Variants in SNX14 observed in about 807,000 individuals in gnomAD.
SNX14 encodes the protein sorting nexin 14.
In SNX14, 93 loss-of-function variants were observed where a neutral mutation model predicts 133.8. The ratio of observed to expected loss-of-function variants is 0.70; its 90% CI spans 0.59 to 0.83. The LOEUF is 0.83. Among genes scored for constraint, SNX14 ranks in the 40% least tolerant of loss-of-function variants. SNX14 has a pLI of 0.00. For synonymous variants in SNX14, 368 were observed against 365.6 expected (o/e 1.01, Z -0.07); for missense variants, 945 against 1,094.9 (o/e 0.86, Z 1.93).
chr6:85,541,278 C>T (rs1783654843), intron 15 of SNX14, among the ~76,000 whole-genome samples: 1 of 152,160 alleles, frequency 6.6e-6, no homozygotes, highest in African/African-American at 2.4e-5. Context: ...CAGGCGTGAG[C>T]CACCGTGCCC....
rs965387593 is a variant in SNX14 at position 85,514,421 on chromosome 6, G to T, written c.2392+85C>A. 9.2e-6 allele frequency: 14 copies of T among 1,515,982 alleles called. No homozygotes were observed. In the African/African-American group the frequency reaches 1.4e-4, roughly 15 times the overall value. 93.9% of individuals were successfully genotyped at this position (1,515,982 alleles called of 1,614,324 possible). ...TATCTTCAATTAAAAAGACAGTTAT[G>T]ATGGGGCAATACTCAAGATCATTAT... On this transcript the variant is annotated intron_variant, in intron 24 of 28. Transcript: ENST00000314673.
chr6:85,522,445 T>C (rs1048841844), intron 21 of SNX14, among the ~76,000 whole-genome samples: 1 of 152,248 alleles, frequency 6.6e-6, no homozygotes, highest in South Asian at 2.1e-4. Flanking sequence ...TGGGACTGTA[T>C]TATAGCTAGA....
intron 27 of SNX14, 140 bp downstream of exon 27, chr6:85,507,828 T>C (rs1771268692): frequency 4.3e-6 from 2 of 468,542 alleles, no homozygotes; most frequent in South Asian, 1.1e-4. Context: ...AATAAAACTT[T>C]TTTTCTATCT....
At position 85,549,622 on chromosome 6, in the gene SNX14, G is replaced by A. The variant is rs755185999; in HGVS notation, c.791+101C>T. ...TTTTTCAAATGAAAAGCTATTCATA[G>A]GCTAACCTCAAATTTTAGCATATGC... On this transcript the variant is annotated intron_variant, in intron 8 of 28. Transcript: ENST00000314673. 6.4e-3 allele frequency: 6,162 copies of A among 955,526 alleles called. 31 individuals are homozygous for A. The highest frequency in any genetic ancestry group is 0.026 in the Middle Eastern group (71 of 2,690). The allele number at this position is 955,526 out of a possible 1,614,324, so 59.2% of individuals were successfully genotyped here. A position where few individuals can be genotyped will look rare whatever the true frequency, so the allele number is the denominator to read the frequency against.
intron 6 of SNX14, among the ~76,000 whole-genome samples, chr6:85,559,146 TA>T (rs775536039): frequency 6.6e-5 from 10 of 152,052 alleles, no homozygotes; most frequent in Non-Finnish European, 1.3e-4. Flanking sequence ...ATAAATCTAG[TA>T]AGTATGATGG....
chr6:85,562,810 T>A (rs1792163817), intron 6 of SNX14, among the ~76,000 whole-genome samples: 1 of 152,070 alleles, frequency 6.6e-6, no homozygotes, highest in Admixed American at 6.6e-5. Flanking sequence ...CAGGCTGATC[T>A]CGAACTCCCG....
At chr6:85,593,553 G>A (rs774986666) in intron 1 of SNX14, 26 bp downstream of exon 1, 1 of 1,593,220 alleles carries the variant, frequency 6.3e-7, no homozygotes, top group South Asian at 1.1e-5. Context: ...AAAAGCCGCC[G>A]CCCAGGCTCC....
chr6:85,552,904 CAA>C (rs938095392), intron 7 of SNX14, among the ~76,000 whole-genome samples: 3 of 152,234 alleles, frequency 2.0e-5, no homozygotes, highest in Admixed American at 6.5e-5. Context: ...CAATGCAAAC[CAA>C]AGACTCTTTG....
chr6:85,590,263 TA>T (rs1477146186), intron 1 of SNX14, among the ~76,000 whole-genome samples: 2 of 152,172 alleles, frequency 1.3e-5, no homozygotes, highest in African/African-American at 4.8e-5. Context: ...TGCATATCCA[TA>T]AAATAGAAGA....
At chr6:85,523,717 AT>A (rs1265295991) in intron 21 of SNX14, among the ~76,000 whole-genome samples, 1 of 152,120 alleles carries the variant, frequency 6.6e-6, no homozygotes, top group East Asian at 1.9e-4. Flanking sequence ...GTGAGCTGAG[AT>A]CACGCCACCG....
Position 85,547,524 on chromosome 6 carries a change from G to C in SNX14, c.894C>G (p.Ile298Met). Residue 298 changes from isoleucine to methionine, a missense_variant, in exon 10 of 29, where the codon ATC becomes ATG. Ile to Met is a conservative substitution (Grantham distance 10). Transcript: ENST00000314673. Reference sequence around the variant, plus strand: ...TACTCACTGGACTGTCATCTATGAAGATGATAAGCAAATGATTCACAGTAT... The same window carrying C: ...TACTCACTGGACTGTCATCTATGAACATGATAAGCAAATGATTCACAGTAT... Reference protein sequence around the residue: ...DPDTVNHLLIIFIDDSPPEKA... With the variant: ...DPDTVNHLLIMFIDDSPPEKA... 6.2e-7 allele frequency: 1 copy of C among 1,603,406 alleles called. No individual in the cohort carries two copies. The highest frequency in any genetic ancestry group is 1.7e-5 in the Admixed American group (1 of 57,620).
chr6:85,579,374 G>C (rs1215087288), intron 1 of SNX14, among the ~76,000 whole-genome samples: 1 of 152,030 alleles, frequency 6.6e-6, no homozygotes, highest in Non-Finnish European at 1.5e-5. Context: ...CAAATAGAAG[G>C]CTCTCATCAT....
chr6:85,567,500 T>C (rs761855553), intron 5 of SNX14, 34 bp downstream of exon 5: 2 of 1,438,272 alleles, frequency 1.4e-6, no homozygotes, highest in Admixed American at 5.0e-5. Context: ...ATTCACTGTA[T>C]CACAGAAAAA....
rs1294479550 is a variant in SNX14 at position 85,593,499 on chromosome 6, C to A, written c.140+80G>T. On this transcript the variant is annotated intron_variant, in intron 1 of 28. Transcript: ENST00000314673. ...CCCCAGTCCCGCAGCTACGCGGCCT[C>A]CGCACGGTTAAGCAGCACGGGCCGG... The A allele has an allele frequency of 4.0e-6, 6 of 1,497,250 alleles. No homozygotes were observed. The Admixed American group carries it at 7.0e-5, about 18-fold the overall frequency. 92.7% of individuals were successfully genotyped at this position (1,497,250 alleles called of 1,614,324 possible). A position where few individuals can be genotyped will look rare whatever the true frequency, so the allele number is the denominator to read the frequency against.
intron 7 of SNX14, among the ~76,000 whole-genome samples, chr6:85,557,558 G>A (rs1196085855): frequency 6.6e-6 from 1 of 152,154 alleles, no homozygotes; most frequent in Non-Finnish European, 1.5e-5. Flanking sequence ...TAAATACACA[G>A]TTTAGATGCT....
chr6:85,593,425 C>T (rs1284226852), intron 1 of SNX14, among the ~76,000 whole-genome samples, 154 bp downstream of exon 1: 2 of 152,242 alleles, frequency 1.3e-5, no homozygotes, highest in Non-Finnish European at 2.9e-5. Flanking sequence ...CGACGCTCCG[C>T]CGTGCTCCCC....
At chr6:85,587,495 C>T (rs1801309639) in intron 1 of SNX14, among the ~76,000 whole-genome samples, 1 of 152,108 alleles carries the variant, frequency 6.6e-6, no homozygotes, top group African/African-American at 2.4e-5. Flanking sequence ...GACAGAGTCT[C>T]GCTCTGTCAT....
chr6:85,575,402 G>A (rs1797006152), intron 1 of SNX14, among the ~76,000 whole-genome samples: 1 of 152,208 alleles, frequency 6.6e-6, no homozygotes, highest in Non-Finnish European at 1.5e-5. Flanking sequence ...TGTGCATCAT[G>A]ATCAGGGACC....
chr6:85,576,636 TGAG>T (rs1278631092), intron 1 of SNX14, among the ~76,000 whole-genome samples: 2 of 151,444 alleles, frequency 1.3e-5, no homozygotes, highest in Admixed American at 6.6e-5. Flanking sequence ...GAAAGCGGAG[TGAG>T]AAGAGAATGA....
Sources: allele counts gnomAD v4.1 joint callset (sites outside exome capture counted in the v4.1 genomes callset), GRCh38; gene constraint gnomAD v4.1.1; transcripts MANE v1.5; gene names NCBI Gene and HGNC (gene_info 2026-07-23, HGNC 2026-07-21).